Variants in PIWIL3 observed in about 807,000 individuals in gnomAD.
PIWIL3 encodes the protein piwi-like protein 3.
In PIWIL3, 101 loss-of-function variants were observed where a neutral mutation model predicts 109.7. The observed-to-expected ratio is 0.92, with a 90% confidence interval of 0.78 to 1.09. The LOEUF (loss-of-function observed/expected upper bound fraction) is 1.09, where lower values mean the gene tolerates loss of function less well. Ranked by LOEUF, PIWIL3 falls within the 50% of genes least tolerant of loss-of-function variation. PIWIL3 has a pLI of 0.00. For missense variants in PIWIL3, 1,031 were observed against 1,072.6 expected (o/e 0.96, Z 0.54); for synonymous variants, 373 against 376.4 (o/e 0.99, Z 0.10).
intron 1 of PIWIL3, among the ~76,000 whole-genome samples, chr22:24,762,958 T>C (rs1452408775): frequency 6.6e-6 from 1 of 151,878 alleles, no homozygotes; most frequent in Non-Finnish European, 1.5e-5. Flanking sequence ...GCCTCAGTTT[T>C]GGTGGGGACA....
intron 2 of PIWIL3, among the ~76,000 whole-genome samples, chr22:24,760,780 CAAAAAA>C (rs61469163): frequency 1.2e-4 from 5 of 41,028 alleles, no homozygotes; most frequent in East Asian, 1.1e-3. Flanking sequence ...AACTCTGTCT[CAAAAAA>C]AAAAAAAAAA....
chr22:24,720,169 T>G (rs552631191), intron 19 of PIWIL3, among the ~76,000 whole-genome samples: 1 of 151,940 alleles, frequency 6.6e-6, no homozygotes, highest in African/African-American at 2.4e-5. Flanking sequence ...TTGGCACATT[T>G]GATCTGATAT....
At chr22:24,767,603 C>T (rs545178438) in intron 1 of PIWIL3, among the ~76,000 whole-genome samples, 51 of 149,632 alleles carry the variant, frequency 3.4e-4, no homozygotes, top group Non-Finnish European at 6.1e-4. Flanking sequence ...AAGCAGAATA[C>T]GTCCCAAGAA....
chr22:24,734,686 A>C (rs1212892696), intron 13 of PIWIL3, among the ~76,000 whole-genome samples: 1 of 152,184 alleles, frequency 6.6e-6, no homozygotes, highest in Non-Finnish European at 1.5e-5. Flanking sequence ...CCAGGTTCTC[A>C]CAGTAAAAAC....
intron 19 of PIWIL3, among the ~76,000 whole-genome samples, chr22:24,721,958 C>G (rs1274855885): frequency 1.3e-5 from 2 of 152,232 alleles, no homozygotes; most frequent in East Asian, 3.8e-4. Context: ...CTATACGAAA[C>G]TATTTTGTAG....
chr22:24,754,412 G>C (rs1924892758), intron 7 of PIWIL3, among the ~76,000 whole-genome samples, 195 bp from the exon 8 acceptor site: 1 of 152,058 alleles, frequency 6.6e-6, no homozygotes, highest in South Asian at 2.1e-4. Context: ...TCACCCACAG[G>C]CTTAAAGTGT....
At position 24,749,522 on chromosome 22, in the gene PIWIL3, C is replaced by T. The variant is rs779823655; in HGVS notation, c.1217-1G>A. 2 of 1,612,712 alleles carry T rather than the reference C, an allele frequency of 1.2e-6. No individual in the cohort carries two copies. Among genetic ancestry groups the T allele is most frequent in the East Asian group, 2.2e-5 (1 of 44,864 alleles). On this transcript the variant is annotated splice_acceptor_variant, in intron 10 of 20. Transcript: ENST00000616349. LOFTEE classifies it high-confidence loss of function. ...TCTTTACATATTTCATCTGTTAGAC[C>T]TTTAAAAAAATCCAAAAGATACAGC...
At chr22:24,744,206 A>C (rs1454704804) in intron 12 of PIWIL3, among the ~76,000 whole-genome samples, 2 of 148,234 alleles carry the variant, frequency 1.3e-5, no homozygotes, top group African/African-American at 2.5e-5. Context: ...AAAAAAAAAA[A>C]ACAATGATCT....
intron 9 of PIWIL3, among the ~76,000 whole-genome samples, 176 bp downstream of exon 9, chr22:24,751,211 A>G (rs1053796691): frequency 6.6e-6 from 1 of 152,160 alleles, no homozygotes; most frequent in African/African-American, 2.4e-5. Flanking sequence ...GTTATGTGAC[A>G]TTACCCTATA....
intron 1 of PIWIL3, among the ~76,000 whole-genome samples, chr22:24,763,595 C>T (rs552197085): frequency 6.6e-6 from 1 of 152,108 alleles, no homozygotes; most frequent in Non-Finnish European, 1.5e-5. Flanking sequence ...CCACCGTGCT[C>T]GGCCAAACTT....
At chr22:24,769,799 A>AAAT (rs34067865) in intron 1 of PIWIL3, 46,477 of 137,186 alleles carry the variant, frequency 0.34, 7,640 homozygotes, top group East Asian at 0.55. Context: ...TCTGTCTCAA[A>AAAT]AATAATAATA....
intron 12 of PIWIL3, among the ~76,000 whole-genome samples, chr22:24,744,617 A>C (rs1924245775): frequency 6.6e-6 from 1 of 152,148 alleles, no homozygotes; most frequent in Non-Finnish European, 1.5e-5. Flanking sequence ...CTTAGACAAA[A>C]TAGATTTCAA....
intron 12 of PIWIL3, among the ~76,000 whole-genome samples, chr22:24,740,755 G>A (rs747799349): frequency 2.0e-5 from 3 of 152,038 alleles, no homozygotes; most frequent in Non-Finnish European, 2.9e-5. Flanking sequence ...CAAGCAGTGA[G>A]ATTGAAATGG....
At chr22:24,739,950 C>T (rs1241966088) in intron 12 of PIWIL3, among the ~76,000 whole-genome samples, 1 of 151,262 alleles carries the variant, frequency 6.6e-6, no homozygotes, top group Non-Finnish European at 1.5e-5. Flanking sequence ...ACTCAGGAGG[C>T]TGAGGCAGGA....
chr22:24,757,833 G>C, intron 4 of PIWIL3, 75 bp downstream of exon 4: 4 of 1,442,562 alleles, frequency 2.8e-6, no homozygotes, highest in Non-Finnish European at 3.7e-6. Context: ...GCAGGACCTT[G>C]TCTCTCAATG....
intron 14 of PIWIL3, among the ~76,000 whole-genome samples, chr22:24,728,656 C>T (rs2147655016): frequency 6.6e-6 from 1 of 152,196 alleles, no homozygotes; most frequent in African/African-American, 2.4e-5. Context: ...ACATTATAAA[C>T]TATAATTAAC....
At chr22:24,728,645 A>T (rs961678981) in intron 14 of PIWIL3, among the ~76,000 whole-genome samples, 2 of 152,144 alleles carry the variant, frequency 1.3e-5, no homozygotes, top group Non-Finnish European at 2.9e-5. Flanking sequence ...AATTATAATT[A>T]ACATTATAAA....
intron 16 of PIWIL3, among the ~76,000 whole-genome samples, chr22:24,727,124 T>C (rs545598894): frequency 1.3e-5 from 2 of 152,226 alleles, no homozygotes; most frequent in African/African-American, 2.4e-5. Context: ...TCTTTACCCA[T>C]GCACATCTGA....
rs750963921 is a variant in PIWIL3 at position 24,754,172 on chromosome 22, T to C, written c.819A>G (p.Gln273=). The C allele has an allele frequency of 1.9e-5, 30 of 1,613,984 alleles. No individual in the cohort carries two copies. The highest frequency in any genetic ancestry group is 7.7e-5 in the South Asian group (7 of 91,078). The change falls in exon 8 of 21, where the codon CAA becomes CAG. Residue 273 remains glutamine, a synonymous_variant. Coordinates refer to ENST00000616349, the MANE Select transcript of PIWIL3 (RefSeq NM_001255975.1). ...CACAGAGGGTAATGCTGTTTTCGTA[T>C]TGAAGAACAGAAGTAACATAACCAA... ...IWLGYVTSVL[Q]YENSITLCAD... is the part of the protein sequence containing the mutation.
Sources: allele counts gnomAD v4.1 joint callset (sites outside exome capture counted in the v4.1 genomes callset), GRCh38; gene constraint gnomAD v4.1.1; transcripts MANE v1.5; gene names NCBI Gene and HGNC (gene_info 2026-07-23, HGNC 2026-07-21).